The following PTK2B variants were observed in gnomAD, a reference collection of about 807,000 sequenced individuals.
PTK2B encodes the protein protein tyrosine kinase 2 beta.
Under a neutral mutation model 142.9 loss-of-function variants are expected in PTK2B, and 71 were observed. The observed-to-expected ratio is 0.50, with a 90% confidence interval of 0.41 to 0.61. PTK2B has a LOEUF of 0.61. PTK2B is among the 20% of genes least tolerant of loss of function. The pLI, the probability that PTK2B is intolerant of heterozygous loss-of-function variation, is 0.00. For synonymous variants in PTK2B, 519 were observed against 503.4 expected, an observed-to-expected ratio of 1.03 and a Z score of -0.42; for missense variants, 1,105 against 1,320.4, an observed-to-expected ratio of 0.84 and a Z score of 2.53.
intron 1 of PTK2B, among the ~76,000 whole-genome samples, chr8:27,328,942 C>CTT (rs147983841): frequency 0.28 from 41,236 of 145,746 alleles, 6,080 homozygotes; most frequent in Middle Eastern, 0.46. Context: ...TGCGTGCAAC[C>CTT]TTTTTTTTTT....
At chr8:27,311,208 C>G (rs776309326), upstream of PTK2B, 1 of 1,586,612 alleles carries the variant, frequency 6.3e-7, no homozygotes. Flanking sequence ...CGGGAAGGCC[C>G]GGGGGACACG....
At chr8:27,375,112 G>T (rs993563147) in intron 1 of PTK2B, among the ~76,000 whole-genome samples, 2 of 152,204 alleles carry the variant, frequency 1.3e-5, no homozygotes, top group African/African-American at 4.8e-5. Flanking sequence ...GGGGCTGATG[G>T]GAGTGGCATG....
rs200722309 is a variant in PTK2B at position 27,431,484 on chromosome 8, C to G, written c.885+12C>G. 85 of 1,613,728 alleles carry G rather than the reference C, an allele frequency of 5.3e-5. No homozygotes were observed. The African/African-American group carries it at 9.3e-4, about 18-fold the overall frequency. On this transcript the variant is annotated intron_variant, in intron 9 of 30. Transcript: ENST00000346049. Reference sequence around the variant, plus strand: ...GTCAGGACGCAAAGGTAGAGAGACCCGGGGCAGCCCCACCCAGCCCCAGGC... The same window carrying G: ...GTCAGGACGCAAAGGTAGAGAGACCGGGGGCAGCCCCACCCAGCCCCAGGC...
chr8:27,346,621 C>T (rs991752928), intron 1 of PTK2B, among the ~76,000 whole-genome samples: 3 of 152,250 alleles, frequency 2.0e-5, no homozygotes, highest in Admixed American at 2.0e-4. Context: ...AGTCTCCTTT[C>T]ATCACAGAAA....
At position 27,374,040 on chromosome 8, in the gene PTK2B, G is replaced by A. The variant is rs139384703; in HGVS notation, c.-37-23508G>A. On this transcript the variant is annotated intron_variant, in intron 1 of 30. Coordinates refer to ENST00000346049, the MANE Select transcript of PTK2B (RefSeq NM_173176.3). ...CAGAGACCAAAGCAGTGAGAAAGCA[G>A]GCTTGCAGTGAGTATAATGTAGGCT... 3.6e-3 allele frequency among the ~76,000 whole-genome samples: 547 copies of A among 152,086 alleles called. 1 individual carries two copies. The highest frequency in any genetic ancestry group is 0.013 in the African/African-American group (519 of 41,462).
At chr8:27,366,165 G>A (rs17368415) in intron 1 of PTK2B, among the ~76,000 whole-genome samples, 58,015 of 152,052 alleles carry the variant, frequency 0.38, 12,205 homozygotes, top group Middle Eastern at 0.49. Flanking sequence ...TGGCTCTTGG[G>A]TCTTGGGGTG....
At chr8:27,339,154 A>C (rs1431640395) in intron 1 of PTK2B, among the ~76,000 whole-genome samples, 2 of 152,242 alleles carry the variant, frequency 1.3e-5, no homozygotes, top group Non-Finnish European at 2.9e-5. Flanking sequence ...TCCTGGAGGC[A>C]GTTGAGAGAC....
intron 2 of PTK2B, chr8:27,313,148 T>C (rs933594417): frequency 2.6e-5 from 4 of 152,212 alleles, no homozygotes; most frequent in African/African-American, 9.7e-5. Context: ...TCTCACGAGA[T>C]CTGATGGTTT....
intron 13 of PTK2B, 121 bp downstream of exon 13, chr8:27,434,680 C>T: frequency 1.8e-6 from 2 of 1,136,758 alleles, no homozygotes; most frequent in East Asian, 2.7e-5. Context: ...GATCCTCTCC[C>T]ATAACTTCTC....
chr8:27,311,400 GA>G, upstream of PTK2B: 4 of 864,076 alleles, frequency 4.6e-6, no homozygotes, highest in African/African-American at 3.5e-5. Flanking sequence ...TGGCGAGGGG[GA>G]GGGAGGGGGC....
intron 21 of PTK2B, among the ~76,000 whole-genome samples, chr8:27,442,455 T>C (rs1811210636): frequency 6.8e-6 from 1 of 148,020 alleles, no homozygotes; most frequent in East Asian, 1.9e-4. Flanking sequence ...CGTTGGGGGA[T>C]GTTTCATGAG....
At chr8:27,356,274 A>G (rs899400880) in intron 1 of PTK2B, among the ~76,000 whole-genome samples, 1 of 152,198 alleles carries the variant, frequency 6.6e-6, no homozygotes, top group Non-Finnish European at 1.5e-5. Context: ...TGATTCAACA[A>G]ATGCTTACTG....
At chr8:27,326,244 G>A (rs1178990107) in intron 1 of PTK2B, among the ~76,000 whole-genome samples, 1 of 152,002 alleles carries the variant, frequency 6.6e-6, no homozygotes, top group Admixed American at 6.5e-5. Flanking sequence ...GTGTGTGTGT[G>A]TGTGTGTGTG....
rs753036914 is a variant in PTK2B at position 27,397,736 on chromosome 8, A to G, written c.152A>G (p.Asn51Ser). The G allele has an allele frequency of 1.2e-6, 2 of 1,614,252 alleles. No homozygotes were observed. Among genetic ancestry groups the G allele is most frequent in the Non-Finnish European group, 8.5e-7 (1 of 1,180,038 alleles). Residue 51 changes from asparagine to serine, a missense_variant, in exon 2 of 31, where the codon AAT becomes AGT. Coordinates refer to ENST00000346049, the MANE Select transcript of PTK2B (RefSeq NM_173176.3). ...GTCTGCTTCTATAGCAACAGCTTCA[A>G]TCCTGGGAAAAACTTCAAACTGGTC... Reference protein sequence around the residue: ...LKVCFYSNSFNPGKNFKLVKC... With the variant: ...LKVCFYSNSFSPGKNFKLVKC...
chr8:27,370,303 G>A (rs1355273036), intron 1 of PTK2B, among the ~76,000 whole-genome samples: 4 of 152,170 alleles, frequency 2.6e-5, no homozygotes, highest in African/African-American at 9.7e-5. Context: ...GAAGAACAGG[G>A]CAATCAGAGA....
intron 1 of PTK2B, among the ~76,000 whole-genome samples, chr8:27,378,553 G>T (rs1345678403): frequency 6.6e-6 from 1 of 151,866 alleles, no homozygotes; most frequent in Non-Finnish European, 1.5e-5. Context: ...GTGTTGCTCT[G>T]GGGTTTAAGT....
At chr8:27,341,182 G>T (rs970620881) in intron 1 of PTK2B, among the ~76,000 whole-genome samples, 1 of 152,156 alleles carries the variant, frequency 6.6e-6, no homozygotes, top group African/African-American at 2.4e-5. Flanking sequence ...AGAGCTCTTG[G>T]CTGTACCATC....
In PTK2B at chr8:27,442,913, A is replaced by G. The variant is rs766774117; in HGVS notation, c.2078A>G (p.Gln693Arg). 12 of 1,614,202 alleles carry G rather than the reference A, an allele frequency of 7.4e-6. No individual in the cohort carries two copies. The highest frequency in any genetic ancestry group is 1.3e-5 in the African/African-American group (1 of 75,044). Residue 693 changes from glutamine to arginine, a missense_variant, in exon 22 of 31, where the codon CAA becomes CGA. Coordinates refer to ENST00000346049, the MANE Select transcript of PTK2B (RefSeq NM_173176.3). ...ATGGAGAAGGACATTGCCATGGAGC[A>G]AGAGAGGAATGCTCGCTACCGAACC... ...YQMEKDIAME[Q>R]ERNARYRTPK...
chr8:27,440,631 A>G (rs1235887353), intron 21 of PTK2B, among the ~76,000 whole-genome samples, 190 bp downstream of exon 21: 1 of 152,228 alleles, frequency 6.6e-6, no homozygotes, highest in Non-Finnish European at 1.5e-5. Context: ...AGCCTGACTC[A>G]TCTGGGCATC....
Sources: gnomAD v4.1 joint callset for allele counts (sites outside exome capture counted in the v4.1 genomes callset) on GRCh38, gnomAD v4.1.1 for gene constraint, MANE v1.5 for transcripts, NCBI Gene and HGNC (gene_info 2026-07-23, HGNC 2026-07-21) for gene names.